Variants in CHD7 observed in about 807,000 individuals in gnomAD.
The protein encoded by CHD7 is chromodomain helicase DNA binding protein 7.
In CHD7, 24 loss-of-function variants were observed where a neutral mutation model predicts 307.3. The ratio of observed to expected loss-of-function variants is 0.08; its 90% confidence interval spans 0.06 to 0.11. The LOEUF (loss-of-function observed/expected upper bound fraction) is 0.11, where lower values mean the gene tolerates loss of function less well. CHD7 is among the 10% of genes least tolerant of loss of function. The pLI is 1.00. For synonymous variants in CHD7, 1,363 were observed against 1,349.9 expected (o/e 1.01, Z -0.21); for missense variants, 3,106 against 3,727.1 (o/e 0.83, Z 4.34).
chr8:60,736,250 T>C (rs1808701226), intron 1 of CHD7, among the ~76,000 whole-genome samples: 1 of 152,264 alleles, frequency 6.6e-6, no homozygotes, highest in South Asian at 2.1e-4. Flanking sequence ...CAAGCATTGG[T>C]CCTGCTAGAT....
chr8:60,717,760 T>C (rs1807682665), intron 1 of CHD7, among the ~76,000 whole-genome samples: 2 of 152,132 alleles, frequency 1.3e-5, no homozygotes, highest in South Asian at 2.1e-4. Context: ...GTCATCATAA[T>C]GTAGAGCAAC....
chr8:60,703,352 A>G (rs1186202963), intron 1 of CHD7, among the ~76,000 whole-genome samples: 1 of 152,210 alleles, frequency 6.6e-6, no homozygotes, highest in African/African-American at 2.4e-5. Flanking sequence ...GCCTTTGACC[A>G]GTGATTGGTC....
chr8:60,779,781 G>C (rs1449996161), intron 2 of CHD7, among the ~76,000 whole-genome samples: 1 of 152,144 alleles, frequency 6.6e-6, no homozygotes, highest in Admixed American at 6.5e-5. Flanking sequence ...GAGGACTCTG[G>C]AGCTATTGGC....
chr8:60,679,449 T>TGGGGGGG (rs1805457507), intron 1 of CHD7: 1 of 35,648 alleles, frequency 2.8e-5, no homozygotes. Flanking sequence ...GGGGGGGGGG[T>TGGGGGGG]ACGGGGGACA....
At chr8:60,721,190 G>A (rs1452718177) in intron 1 of CHD7, among the ~76,000 whole-genome samples, 1 of 152,170 alleles carries the variant, frequency 6.6e-6, no homozygotes, top group African/African-American at 2.4e-5. Flanking sequence ...ATTGTATTTG[G>A]AGATAGGGCC....
At chr8:60,827,754 C>A (rs913507170) in intron 13 of CHD7, among the ~76,000 whole-genome samples, 5 of 151,766 alleles carry the variant, frequency 3.3e-5, no homozygotes, top group African/African-American at 4.8e-5. Flanking sequence ...GTTCTTACCT[C>A]ATTCATCTAG....
At chr8:60,841,436 C>T (rs1226323234) in intron 19 of CHD7, among the ~76,000 whole-genome samples, 1 of 152,228 alleles carries the variant, frequency 6.6e-6, no homozygotes, top group African/African-American at 2.4e-5. Flanking sequence ...TATCATTTAT[C>T]ACTCTGCAGT....
intron 6 of CHD7, among the ~76,000 whole-genome samples, chr8:60,806,856 G>A (rs752619457): frequency 2.6e-5 from 4 of 152,086 alleles, no homozygotes; most frequent in Non-Finnish European, 5.9e-5. Flanking sequence ...TACAGAATTA[G>A]CTGAGCATGG....
chr8:60,728,111 A>G (rs990063681), intron 1 of CHD7, among the ~76,000 whole-genome samples: 4 of 152,216 alleles, frequency 2.6e-5, no homozygotes, highest in Admixed American at 6.5e-5. Flanking sequence ...AGTAAAATGC[A>G]CAACTCTCTT....
chr8:60,837,241 G>A (rs1408802941), intron 17 of CHD7, among the ~76,000 whole-genome samples: 1 of 152,140 alleles, frequency 6.6e-6, no homozygotes, highest in African/African-American at 2.4e-5. Flanking sequence ...ACATAGATAG[G>A]GTCTTAGAAC....
Position 60,742,119 on chromosome 8 carries a change from C to T in CHD7, c.687C>T (p.Thr229=), listed in dbSNP as rs752816610. ...GLNQGNPFIA[T]SGPGHLSHVP... ...ATCAGGGAAATCCTTTTATTGCCAC[C>T]TCAGGACCTGGCCACTTGTCCCACG... is the stretch of plus-strand genomic sequence containing the variant. The change falls in exon 2 of 38, where the codon ACC becomes ACT. Residue 229 remains threonine, a synonymous_variant. Coordinates refer to ENST00000423902, the MANE Select transcript of CHD7 (RefSeq NM_017780.4). 4 of 1,613,860 alleles carry T rather than the reference C, an allele frequency of 2.5e-6. No individual in the cohort carries two copies. In the South Asian group the frequency reaches 4.4e-5, roughly 18 times the overall value.
In CHD7 at chr8:60,781,086, T is replaced by TGATTAC. The variant is rs1437951585; in HGVS notation, c.1753_1758dup (p.Asp585_Tyr586dup). 1 of 1,611,108 alleles carries TGATTAC rather than the reference T, an allele frequency of 6.2e-7. No homozygotes were observed. The highest frequency in any genetic ancestry group is 1.3e-5 in the African/African-American group (1 of 74,776). On this transcript the variant is annotated inframe_insertion, in exon 3 of 38. Coordinates refer to ENST00000423902, the MANE Select transcript of CHD7 (RefSeq NM_017780.4). ...CGAATGCTCAGCTAGTGAAGAGTGA[T>TGATTAC]GATTACCTGCCATCAATAGAACAGC...
chr8:60,739,373 ATGAC>A (rs1356063893), intron 1 of CHD7, among the ~76,000 whole-genome samples: 40 of 152,250 alleles, frequency 2.6e-4, no homozygotes, highest in African/African-American at 4.6e-4. Context: ...TGAATAAATG[ATGAC>A]TGACTGCTTA....
At chr8:60,821,970 A>G (rs776574351) in intron 10 of CHD7, 43 bp downstream of exon 10, 2 of 1,613,464 alleles carry the variant, frequency 1.2e-6, no homozygotes, top group South Asian at 1.1e-5. Flanking sequence ...TGAAAATAGC[A>G]TAGTGGTGTG....
Position 60,850,607 on chromosome 8 carries a change from C to T in CHD7, c.5519C>T (p.Ala1840Val), listed in dbSNP as rs1318615046. 6.2e-7 allele frequency: 1 copy of T among 1,612,308 alleles called. No individual in the cohort carries two copies. The highest frequency in any genetic ancestry group is 8.5e-7 in the Non-Finnish European group (1 of 1,179,098). The part of the protein sequence containing the change: ...AAEQRGTDML[A>V]DGGDGGEFDR... ...GAGCAAAGAGGAACAGACATGCTAG[C>T]AGATGGTGGTGACGGGTAAGAAGGA... Residue 1840 changes from alanine (A) to valine (V), a missense_variant, in exon 26 of 38, where the codon GCA becomes GTA. Ala to Val is a moderately conservative substitution (Grantham distance 64). Around this residue, in one of 10 missense-constraint regions of CHD7, gnomAD observed 1,030 missense variants for 1,165.4 expected, o/e 0.88. Coordinates refer to ENST00000423902, the MANE Select transcript of CHD7 (RefSeq NM_017780.4).
chr8:60,734,391 C>G (rs1344739390), intron 1 of CHD7, among the ~76,000 whole-genome samples: 4 of 152,194 alleles, frequency 2.6e-5, no homozygotes, highest in African/African-American at 9.7e-5. Context: ...TGGCAAGGCT[C>G]CAGTCGCCAG....
Position 60,853,019 on chromosome 8 carries a change from A to C in CHD7, c.6294A>C (p.Arg2098=). Residue 2098 remains arginine, a synonymous_variant, in exon 31 of 38, where the codon CGA becomes CGC. Coordinates refer to ENST00000423902, the MANE Select transcript of CHD7 (RefSeq NM_017780.4). ...GGTGGGAGTGTGGACGGCATGACCGAGACTTGCTGGTTGGTGCTGCTAAAC... is the reference window on the plus strand; with the variant it reads ...GGTGGGAGTGTGGACGGCATGACCGCGACTTGCTGGTTGGTGCTGCTAAAC... ...PEWWECGRHD[R]DLLVGAAKHG... 1 of 1,613,962 alleles carries C rather than the reference A, an allele frequency of 6.2e-7. No individual in the cohort carries two copies. Among genetic ancestry groups the C allele is most frequent in the Non-Finnish European group, 8.5e-7 (1 of 1,179,882 alleles).
rs190042494 is a variant in CHD7 at position 60,858,825 on chromosome 8, G to A, written c.7608+1937G>A. On this transcript the variant is annotated intron_variant, in intron 34 of 37. Coordinates refer to ENST00000423902, the MANE Select transcript of CHD7 (RefSeq NM_017780.4). ...GGGTTTCACCATGTTGCCCAGGCTG[G>A]TCTCAAACTTCTGGGCTCAAGTAAT... Among the ~76,000 whole-genome samples the A allele has an allele frequency of 3.0e-4, 45 of 152,262 alleles. No individual in the cohort carries two copies. In the East Asian group the frequency reaches 6.9e-3, roughly 23 times the overall value.
intron 2 of CHD7, among the ~76,000 whole-genome samples, chr8:60,778,729 G>C (rs2150664004): frequency 6.6e-6 from 1 of 152,234 alleles, no homozygotes; most frequent in Admixed American, 6.5e-5. Flanking sequence ...AAATAAGTTT[G>C]ATCTCCGTGT....
Sources: allele counts gnomAD v4.1 joint callset (sites outside exome capture counted in the v4.1 genomes callset), GRCh38; gene constraint gnomAD v4.1.1; regional missense constraint gnomAD v4.1.1; transcripts MANE v1.5; gene names NCBI Gene and HGNC (gene_info 2026-07-23, HGNC 2026-07-21).